ADRA1B: variants seen among roughly 807,000 people sequenced by gnomAD.
ADRA1B encodes the protein adrenoceptor alpha 1B, also known as alpha-1B adrenergic receptor.
Under a neutral mutation model 17.9 loss-of-function variants are expected in ADRA1B, and 17 were observed. The observed-to-expected ratio is 0.95, with a 90% CI of 0.65 to 1.42. ADRA1B has a LOEUF of 1.42. ADRA1B is among the 40% of genes most tolerant of loss of function. The pLI is 0.00. For synonymous variants in ADRA1B, 366 were observed against 327.6 expected (o/e 1.12, Z -1.27); for missense variants, 681 against 722.1 (o/e 0.94, Z 0.65).
At chr5:159,912,861 C>T (rs1754242209), upstream of ADRA1B, among the ~76,000 whole-genome samples, 1 of 152,258 alleles carries the variant, frequency 6.6e-6, no homozygotes, top group Admixed American at 6.5e-5. Context: ...GCATTATCAT[C>T]ATCTCCCACA....
chr5:159,982,779 T>C, the ADRA1B span, among the ~76,000 whole-genome samples: 2 of 151,986 alleles, frequency 1.3e-5, no homozygotes, highest in African/African-American at 4.8e-5. Flanking sequence ...CCTGCTTCCC[T>C]CCCTCCGCAA....
chr5:159,947,293 G>A (rs994130398), intron 1 of ADRA1B, among the ~76,000 whole-genome samples: 1 of 152,036 alleles, frequency 6.6e-6, no homozygotes, highest in Non-Finnish European at 1.5e-5. Context: ...AATGATACAA[G>A]ATCGCACCAC....
chr5:159,973,581 G>A (rs1049170194), downstream of ADRA1B, among the ~76,000 whole-genome samples: 6 of 152,116 alleles, frequency 3.9e-5, no homozygotes, highest in East Asian at 7.7e-4. Flanking sequence ...GACGTTTCTG[G>A]ATAAGATATG....
chr5:159,962,179 C>T (rs1025759445), intron 1 of ADRA1B, among the ~76,000 whole-genome samples: 1 of 152,120 alleles, frequency 6.6e-6, no homozygotes, highest in African/African-American at 2.4e-5. Flanking sequence ...GCCTGGGCAA[C>T]AGAGTGAGAC....
chr5:159,966,010 G>T lies in ADRA1B; in HGVS notation c.950-5869G>T, dbSNP rs149050876. Reference sequence around the variant, plus strand: ...GGCTGGTCTCAAACTCCTGACCTCAGGTAATCCGCCCTCCTTGGCCTCCCA... The same window carrying T: ...GGCTGGTCTCAAACTCCTGACCTCATGTAATCCGCCCTCCTTGGCCTCCCA... On this transcript the variant is annotated intron_variant, in intron 1 of 1. Coordinates refer to ENST00000306675, the MANE Select transcript of ADRA1B (RefSeq NM_000679.4). Among the ~76,000 whole-genome samples, 500 of 152,078 alleles carry T rather than the reference G, an allele frequency of 3.3e-3. 7 individuals are homozygous for T. Among genetic ancestry groups the T allele is most frequent in the African/African-American group, 0.012 (480 of 41,468 alleles).
rs757165183 is a variant in ADRA1B, at chr5:159,916,903, A to G, written c.-3A>G. On this transcript the variant is annotated 5_prime_UTR_variant, in exon 1 of 2. An upstream open reading frame in the 5' UTR loses its in-frame stop. Coordinates refer to ENST00000306675, the MANE Select transcript of ADRA1B (RefSeq NM_000679.4). ...CCCCTGGCTATGGAGGGCGGACTCT[A>G]AGATGAATCCCGACCTGGACACCGG... 16 of 1,606,856 alleles carry G rather than the reference A, an allele frequency of 1.0e-5. No homozygotes were observed. The highest frequency in any genetic ancestry group is 3.3e-4 in the Middle Eastern group (2 of 6,044).
At chr5:159,976,154 T>G (rs914153111), downstream of ADRA1B, among the ~76,000 whole-genome samples, 1 of 152,182 alleles carries the variant, frequency 6.6e-6, no homozygotes, top group African/African-American at 2.4e-5. Flanking sequence ...GCTAAAACAG[T>G]TGACACCATG....
At chr5:159,937,629 T>C (rs1392040844) in intron 1 of ADRA1B, 1 of 152,112 alleles carries the variant, frequency 6.6e-6, no homozygotes, top group Non-Finnish European at 1.5e-5. Flanking sequence ...TTTTGCATTT[T>C]AGTAGAGACG....
downstream of ADRA1B, among the ~76,000 whole-genome samples, chr5:159,974,529 G>A (rs1420360210): frequency 2.0e-5 from 3 of 151,848 alleles, no homozygotes; most frequent in Middle Eastern, 3.4e-3. Flanking sequence ...CCAGCTATTC[G>A]GGAGGCTGAG....
At chr5:159,950,603 C>T (rs1044832335) in intron 1 of ADRA1B, 34 of 980,898 alleles carry the variant, frequency 3.5e-5, no homozygotes, top group African/African-American at 2.0e-4. Context: ...AGGGCAATGC[C>T]GGCCCCAGCA....
intron 1 of ADRA1B, among the ~76,000 whole-genome samples, chr5:159,886,447 C>T (rs1229983219): frequency 6.6e-6 from 1 of 152,158 alleles, no homozygotes; most frequent in Non-Finnish European, 1.5e-5. Flanking sequence ...AAGCTGTCTG[C>T]TGGGGGCATG....
intron 1 of ADRA1B, chr5:159,950,934 C>T: frequency 3.5e-6 from 2 of 569,426 alleles, no homozygotes; most frequent in Non-Finnish European, 3.3e-6. Flanking sequence ...CCAGAGAGGC[C>T]ATCCACAATC....
At chr5:159,955,680 G>C (rs917939270) in intron 1 of ADRA1B, among the ~76,000 whole-genome samples, 3 of 152,128 alleles carry the variant, frequency 2.0e-5, no homozygotes, top group Non-Finnish European at 4.4e-5. Flanking sequence ...ACTCTGGCTG[G>C]AGAAATATCT....
intron 1 of ADRA1B, chr5:159,869,453 T>A (rs1300974788): frequency 6.6e-6 from 1 of 152,220 alleles, no homozygotes; most frequent in Non-Finnish European, 1.5e-5. Flanking sequence ...TGGATTTCAG[T>A]TTTATGTAAT....
chr5:159,869,570 A>T (rs1753708641), intron 1 of ADRA1B: 1 of 152,250 alleles, frequency 6.6e-6, no homozygotes, highest in Non-Finnish European at 1.5e-5. Flanking sequence ...ATAGTTGTAG[A>T]AGACATGTTT....
chr5:159,969,739 A>G (rs926702478), intron 1 of ADRA1B, among the ~76,000 whole-genome samples: 3 of 152,264 alleles, frequency 2.0e-5, no homozygotes, highest in Non-Finnish European at 4.4e-5. Flanking sequence ...GTTAGAAGAT[A>G]CAAAATGTTC....
At chr5:159,975,799 A>G (rs1342426266), downstream of ADRA1B, among the ~76,000 whole-genome samples, 1 of 152,204 alleles carries the variant, frequency 6.6e-6, no homozygotes, top group East Asian at 1.9e-4. Context: ...GAGTTCATCA[A>G]GAGCCCCTCA....
chr5:159,935,748 T>C (rs1301004274), intron 1 of ADRA1B, among the ~76,000 whole-genome samples: 3 of 152,196 alleles, frequency 2.0e-5, no homozygotes, highest in African/African-American at 7.2e-5. Context: ...GGTTTCGCCA[T>C]GTTGGCCAGG....
chr5:159,923,845 C>G (rs1182934345), intron 1 of ADRA1B, among the ~76,000 whole-genome samples: 3 of 152,276 alleles, frequency 2.0e-5, no homozygotes, highest in Admixed American at 1.3e-4. Context: ...CCAGGCGACT[C>G]TTATGCAGCC....
Sources: allele counts gnomAD v4.1 joint callset (sites outside exome capture counted in the v4.1 genomes callset), GRCh38; gene constraint gnomAD v4.1.1; transcripts MANE v1.5; gene names NCBI Gene and HGNC (gene_info 2026-07-23, HGNC 2026-07-21).